CPA6: variants seen among roughly 807,000 people sequenced by gnomAD.
CPA6 encodes the protein carboxypeptidase A6.
A neutral mutation model predicts 63.3 loss-of-function variants in CPA6; 58 were observed. The observed-to-expected ratio is 0.92, with a 90% confidence interval of 0.74 to 1.14. CPA6 has a LOEUF of 1.14. Among genes scored for constraint, CPA6 ranks in the 50% most tolerant of loss-of-function variants. The pLI, the probability that CPA6 is intolerant of heterozygous loss-of-function variation, is 0.00. For missense variants in CPA6, 565 were observed against 526.6 expected, an observed-to-expected ratio of 1.07 and a Z score of -0.71; for synonymous variants, 185 against 179.0, an observed-to-expected ratio of 1.03 and a Z score of -0.27.
chr8:67,676,949 C>T (rs557710530), intron 1 of CPA6, among the ~76,000 whole-genome samples: 61 of 152,102 alleles, frequency 4.0e-4, no homozygotes, highest in Non-Finnish European at 6.9e-4. Context: ...TGTGTATGTA[C>T]GTATATGTAT....
intron 1 of CPA6, among the ~76,000 whole-genome samples, chr8:67,649,513 A>C (rs1405538287): frequency 6.6e-6 from 1 of 152,156 alleles, no homozygotes; most frequent in African/African-American, 2.4e-5. Flanking sequence ...TGATTTTTTA[A>C]CAATTGGCTA....
At position 67,690,715 on chromosome 8, in the gene CPA6, G is replaced by A. The variant is rs145253636; in HGVS notation, c.116+55299C>T. 5.3e-5 allele frequency among the ~76,000 whole-genome samples: 8 copies of A among 152,104 alleles called. No homozygotes were observed. The East Asian group carries it at 1.5e-3, about 29-fold the overall frequency. On this transcript the variant is annotated intron_variant, in intron 1 of 10. Transcript: ENST00000297770. ...AAGCATTAGAAGGAAAGTCTTATCA[G>A]CTAAAAAAAATACAAGTCAGGAAGA...
chr8:67,544,987 A>G (rs940679696), intron 2 of CPA6, among the ~76,000 whole-genome samples: 3 of 152,168 alleles, frequency 2.0e-5, no homozygotes, highest in Non-Finnish European at 4.4e-5. Flanking sequence ...TTTGATTCAT[A>G]ATTTATCAAC....
intron 1 of CPA6, among the ~76,000 whole-genome samples, chr8:67,672,938 C>T (rs1816381738): frequency 6.6e-6 from 1 of 151,800 alleles, no homozygotes; most frequent in Admixed American, 6.6e-5. Flanking sequence ...TTTATGTAGC[C>T]AAGTGAGTTT....
At chr8:67,721,564 T>C (rs1817499905) in intron 1 of CPA6, among the ~76,000 whole-genome samples, 1 of 152,150 alleles carries the variant, frequency 6.6e-6, no homozygotes, top group Non-Finnish European at 1.5e-5. Flanking sequence ...GACACCACAA[T>C]ATAACTAGTA....
At chr8:67,705,048 G>A (rs1293357415) in intron 1 of CPA6, among the ~76,000 whole-genome samples, 2 of 152,160 alleles carry the variant, frequency 1.3e-5, no homozygotes, top group Non-Finnish European at 2.9e-5. Flanking sequence ...CTCAACTATT[G>A]GCTGTTTTAC....
At chr8:67,474,607 C>A (rs375423255) in intron 8 of CPA6, among the ~76,000 whole-genome samples, 1 of 152,128 alleles carries the variant, frequency 6.6e-6, no homozygotes, top group African/African-American at 2.4e-5. Context: ...GCCCATAATG[C>A]ACACTACTGA....
chr8:67,678,227 TCACACACACACACACACACACA>T (rs1229557199), intron 1 of CPA6, among the ~76,000 whole-genome samples: 1 of 127,592 alleles, frequency 7.8e-6, no homozygotes, highest in Non-Finnish European at 1.6e-5. Context: ...AAACTCTGTC[TCACACACACACACACACACACA>T]CACACACACA....
chr8:67,560,628 G>A (rs548491013), intron 2 of CPA6, among the ~76,000 whole-genome samples: 1 of 152,134 alleles, frequency 6.6e-6, no homozygotes, highest in East Asian at 1.9e-4. Flanking sequence ...GCTGGAAAAG[G>A]GGGGAAAGGG....
At chr8:67,615,571 T>C (rs1158569164) in intron 2 of CPA6, among the ~76,000 whole-genome samples, 1 of 152,220 alleles carries the variant, frequency 6.6e-6, no homozygotes, top group Non-Finnish European at 1.5e-5. Flanking sequence ...AGGTCTTTTT[T>C]AAGCTTTTGC....
At chr8:67,431,602 G>A (rs117963898) in intron 9 of CPA6, among the ~76,000 whole-genome samples, 2,666 of 151,944 alleles carry the variant, frequency 0.018, 30 homozygotes, top group Middle Eastern at 0.041. Context: ...CAGTGCCCAC[G>A]TAAAAAAAAG....
Position 67,428,033 on chromosome 8 carries a change from C to T in CPA6, c.1126+14G>A, listed in dbSNP as rs200017625. The T allele has an allele frequency of 7.3e-5, 113 of 1,558,538 alleles. No homozygotes were observed. Among genetic ancestry groups the T allele is most frequent in the South Asian group, 3.5e-4 (31 of 89,666 alleles). ...AGAGAGAGGATTCTAACACAATGTACGCAGGAAACTTACACAACGTTGTGG... is the reference window on the plus strand; with the variant it reads ...AGAGAGAGGATTCTAACACAATGTATGCAGGAAACTTACACAACGTTGTGG... On this transcript the variant is annotated intron_variant, in intron 10 of 10. Coordinates refer to ENST00000297770, the MANE Select transcript of CPA6 (RefSeq NM_020361.5).
intron 1 of CPA6, among the ~76,000 whole-genome samples, chr8:67,683,733 G>C (rs1816647605): frequency 6.6e-6 from 1 of 152,016 alleles, no homozygotes; most frequent in Non-Finnish European, 1.5e-5. Context: ...TTTCTCTACA[G>C]ATCCTATAAC....
chr8:67,583,520 A>G (rs1160914057), intron 2 of CPA6, among the ~76,000 whole-genome samples: 1 of 152,076 alleles, frequency 6.6e-6, no homozygotes, highest in Non-Finnish European at 1.5e-5. Flanking sequence ...ATAAAATCCT[A>G]GTATGTTGGA....
At chr8:67,612,808 C>T (rs181389334) in intron 2 of CPA6, among the ~76,000 whole-genome samples, 1 of 152,264 alleles carries the variant, frequency 6.6e-6, no homozygotes, top group African/African-American at 2.4e-5. Flanking sequence ...ACATATGCAT[C>T]CCTAATAGCT....
At chr8:67,676,195 G>C (rs6981973) in intron 1 of CPA6, among the ~76,000 whole-genome samples, 69,485 of 152,026 alleles carry the variant, frequency 0.46, 18,444 homozygotes, top group African/African-American at 0.75. Flanking sequence ...GATGGAAGAA[G>C]ATTTATTATT....
At chr8:67,611,014 CT>C (rs570213627) in intron 2 of CPA6, among the ~76,000 whole-genome samples, 4 of 150,302 alleles carry the variant, frequency 2.7e-5, no homozygotes, top group East Asian at 1.9e-4. Context: ...TAAGTACCTT[CT>C]TTTTTTTTGG....
chr8:67,649,466 A>G (rs1815787860), intron 1 of CPA6, among the ~76,000 whole-genome samples: 1 of 152,178 alleles, frequency 6.6e-6, no homozygotes, highest in Non-Finnish European at 1.5e-5. Flanking sequence ...AGCTTTTTCT[A>G]AAGACTTTCC....
intron 1 of CPA6, among the ~76,000 whole-genome samples, chr8:67,656,238 G>A (rs112684470): frequency 3.9e-5 from 6 of 152,156 alleles, no homozygotes; most frequent in African/African-American, 9.6e-5. Flanking sequence ...AACCAAAGTC[G>A]CAACTGATTT....
Sources: allele counts gnomAD v4.1 joint callset (sites outside exome capture counted in the v4.1 genomes callset), GRCh38; gene constraint gnomAD v4.1.1; transcripts MANE v1.5; gene names NCBI Gene and HGNC (gene_info 2026-07-23, HGNC 2026-07-21).